Variants in GSE1 observed in about 807,000 individuals in gnomAD.
GSE1 encodes genetic suppressor element 1.
In GSE1, 32 loss-of-function variants were observed where a neutral mutation model predicts 112.6. The observed-to-expected ratio is 0.28, with a 90% CI of 0.21 to 0.38. GSE1 has a LOEUF of 0.38. GSE1 is among the 10% of genes least tolerant of loss of function. The pLI is 1.00. For synonymous variants in GSE1, 1,115 were observed against 735.6 expected, an observed-to-expected ratio of 1.52 and a Z score of -8.35; for missense variants, 2,348 against 1,699.2, an observed-to-expected ratio of 1.38 and a Z score of -6.71.
intron 2 of GSE1, among the ~76,000 whole-genome samples, chr16:85,646,160 C>T (rs1365939507): frequency 3.1e-5 from 4 of 128,442 alleles, no homozygotes; most frequent in South Asian, 2.9e-4. Flanking sequence ...GCTTCTACCA[C>T]GCTTCCTATG....
intron 1 of GSE1, among the ~76,000 whole-genome samples, chr16:85,272,730 TCTTG>T (rs1246232278): frequency 7.8e-6 from 1 of 128,852 alleles, no homozygotes; most frequent in South Asian, 2.3e-4. Context: ...GGGCCCTACT[TCTTG>T]CTTGTTTGCT....
chr16:85,511,175 A>C (rs1014546992), intron 2 of GSE1, among the ~76,000 whole-genome samples: 2 of 152,200 alleles, frequency 1.3e-5, no homozygotes, highest in African/African-American at 4.8e-5. Context: ...AGCTGGACTC[A>C]GAGAAGCAAG....
chr16:85,204,045 C>T (rs1597792819), intron 1 of GSE1, among the ~76,000 whole-genome samples: 1 of 152,238 alleles, frequency 6.6e-6, no homozygotes, highest in African/African-American at 2.4e-5. Context: ...GCTGGGATTA[C>T]AGGCATGAGC....
intron 1 of GSE1, among the ~76,000 whole-genome samples, chr16:85,252,513 G>A (rs978386583): frequency 6.6e-6 from 1 of 152,252 alleles, no homozygotes; most frequent in African/African-American, 2.4e-5. Flanking sequence ...AAGCCCATCT[G>A]CAGGCGCCAG....
At chr16:85,553,774 C>T (rs1437826634), upstream of GSE1, among the ~76,000 whole-genome samples, 3 of 152,216 alleles carry the variant, frequency 2.0e-5, no homozygotes, top group Non-Finnish European at 2.9e-5. Flanking sequence ...AAAAGGCACG[C>T]CGCTGCCCCC....
At chr16:85,286,855 G>GA (rs2045044381) in intron 1 of GSE1, among the ~76,000 whole-genome samples, 1 of 152,248 alleles carries the variant, frequency 6.6e-6, no homozygotes, top group African/African-American at 2.4e-5. Flanking sequence ...AAAATAGTGA[G>GA]AAAACGCAGT....
At chr16:85,505,154 T>C (rs1028988733) in intron 2 of GSE1, among the ~76,000 whole-genome samples, 12 of 152,194 alleles carry the variant, frequency 7.9e-5, no homozygotes, top group African/African-American at 2.9e-4. Context: ...GGATGGACTC[T>C]CTGGCGCCCA....
chr16:85,416,149 C>T (rs1597686657), intron 2 of GSE1, among the ~76,000 whole-genome samples: 1 of 152,136 alleles, frequency 6.6e-6, no homozygotes, highest in South Asian at 2.1e-4. Flanking sequence ...ATTTAGATGC[C>T]GATCCAGAAG....
chr16:85,336,809 C>T (rs1366570681), intron 1 of GSE1, among the ~76,000 whole-genome samples: 2 of 152,208 alleles, frequency 1.3e-5, no homozygotes, highest in East Asian at 1.9e-4. Flanking sequence ...TGCTCACACA[C>T]AAGGCACTCA....
chr16:85,311,111 G>T lies in GSE1; in HGVS notation c.2284-46352G>T, dbSNP rs968203822. On this transcript the variant is annotated intron_variant, in intron 1 of 2. Coordinates refer to the GSE1 transcript ENST00000637419. The surrounding 1 kb of genome is among the most constrained non-coding windows in gnomAD (Gnocchi z 4.2). ...GGCAGGGCATCTGACAGCCGTGGAG[G>T]ACGGCAGAGGGGAGGGCAGCCTGCT... Among the ~76,000 whole-genome samples the T allele has an allele frequency of 6.6e-6, 1 of 152,224 alleles. No individual in the cohort carries two copies. Among genetic ancestry groups the T allele is most frequent in the East Asian group, 1.9e-4 (1 of 5,180 alleles).
At chr16:85,461,485 G>T in intron 2 of GSE1, among the ~76,000 whole-genome samples, 1 of 152,258 alleles carries the variant, frequency 6.6e-6, no homozygotes, top group South Asian at 2.1e-4. Flanking sequence ...TGATGTCATT[G>T]GTCTGGGGGC....
At position 85,605,669 on chromosome 16, in the gene GSE1, G is replaced by A. The variant is rs977426617; in HGVS notation, c.38-42883G>A. 4.6e-5 allele frequency among the ~76,000 whole-genome samples: 7 copies of A among 151,866 alleles called. 1 individual carries two copies. The highest frequency in any genetic ancestry group is 1.3e-4 in the Admixed American group (2 of 15,276). ...ATCCTCCCCCTGCACCCCCGGGGGG[G>A]CCACCGGCTGTGCTCTCCAAAGCCA... is the stretch of plus-strand genomic sequence containing the variant. On this transcript the variant is annotated intron_variant, in intron 1 of 2. Transcript: ENST00000635906.
At chr16:85,229,732 T>A (rs2075549909) in intron 1 of GSE1, among the ~76,000 whole-genome samples, 1 of 152,194 alleles carries the variant, frequency 6.6e-6, no homozygotes, top group Non-Finnish European at 1.5e-5. Context: ...AAAGCGCAGT[T>A]CGCAGCTCCA....
chr16:85,431,082 G>C (rs1157584757), intron 2 of GSE1, among the ~76,000 whole-genome samples: 2 of 150,414 alleles, frequency 1.3e-5, no homozygotes, highest in Non-Finnish European at 3.0e-5. Flanking sequence ...CTCGGGGGGC[G>C]GATTTCTCAC....
chr16:85,448,922 C>T (rs940584516), intron 2 of GSE1, among the ~76,000 whole-genome samples: 2 of 152,220 alleles, frequency 1.3e-5, no homozygotes, highest in African/African-American at 4.8e-5. Flanking sequence ...CTCATCTCTA[C>T]GCGCAGCAAT....
At chr16:85,358,114 C>T (rs2046991063) in intron 2 of GSE1, among the ~76,000 whole-genome samples, 1 of 152,142 alleles carries the variant, frequency 6.6e-6, no homozygotes, top group Non-Finnish European at 1.5e-5. Context: ...CCTCCCCCTC[C>T]CACTCCCGCC....
chr16:85,293,335 C>T (rs2045275848), intron 1 of GSE1, among the ~76,000 whole-genome samples: 2 of 152,140 alleles, frequency 1.3e-5, no homozygotes, highest in Admixed American at 1.3e-4. Flanking sequence ...CACTTGAACT[C>T]AGGAGTTTGA....
At chr16:85,323,200 C>G (rs1324376823) in intron 1 of GSE1, among the ~76,000 whole-genome samples, 1 of 152,102 alleles carries the variant, frequency 6.6e-6, no homozygotes, top group Non-Finnish European at 1.5e-5. Context: ...GTCTCAAAAC[C>G]AAAGATTGGG....
intron 1 of GSE1, among the ~76,000 whole-genome samples, chr16:85,582,751 G>T (rs774134663): frequency 6.6e-6 from 1 of 152,214 alleles, no homozygotes; most frequent in South Asian, 2.1e-4. Context: ...ACCCCCCCTC[G>T]CCTCTTAATG....
Sources: gnomAD v4.1 joint callset for allele counts (sites outside exome capture counted in the v4.1 genomes callset) on GRCh38, gnomAD v4.1.1 for gene constraint, Gnocchi (gnomAD v3.1) non-coding constraint, MANE v1.5 for transcripts, NCBI Gene and HGNC (gene_info 2026-07-23, HGNC 2026-07-21) for gene names.